The following EPHA4 variants were observed in gnomAD, a reference collection of about 807,000 sequenced individuals.
EPHA4 encodes ephrin type-A receptor 4.
Under a neutral mutation model 108.3 loss-of-function variants are expected in EPHA4, and 19 were observed. The observed-to-expected ratio is 0.18, with a 90% CI of 0.12 to 0.26. The LOEUF (loss-of-function observed/expected upper bound fraction) is 0.26, where lower values mean the gene tolerates loss of function less well. Among genes scored for constraint, EPHA4 ranks in the 10% least tolerant of loss-of-function variants. EPHA4 has a pLI of 1.00. For synonymous variants in EPHA4, 449 were observed against 455.5 expected (o/e 0.99, Z 0.18); for missense variants, 917 against 1,254.0 (o/e 0.73, Z 4.06).
At chr2:221,508,942 CTTATT>C (rs1253362717) in intron 3 of EPHA4, among the ~76,000 whole-genome samples, 24 of 150,886 alleles carry the variant, frequency 1.6e-4, no homozygotes, top group Non-Finnish European at 3.0e-4. Flanking sequence ...TTAATTCTTA[CTTATT>C]TTATTTCAAG....
At chr2:221,442,535 C>T (rs371423679) in intron 11 of EPHA4, among the ~76,000 whole-genome samples, 2 of 152,266 alleles carry the variant, frequency 1.3e-5, no homozygotes, top group South Asian at 2.1e-4. Flanking sequence ...CTTGAGCCCA[C>T]CCTATGACAA....
chr2:221,519,460 G>A (rs1216375145), intron 3 of EPHA4, among the ~76,000 whole-genome samples: 1 of 152,182 alleles, frequency 6.6e-6, no homozygotes, highest in African/African-American at 2.4e-5. Flanking sequence ...TCTGAGGAAA[G>A]GAGCCAGGTT....
At chr2:221,512,412 C>A (rs1167241171) in intron 3 of EPHA4, among the ~76,000 whole-genome samples, 2 of 152,174 alleles carry the variant, frequency 1.3e-5, no homozygotes, top group African/African-American at 4.8e-5. Flanking sequence ...AACTATCAAT[C>A]CTCACCACCG....
chr2:221,502,178 A>G (rs1246784385), intron 3 of EPHA4, among the ~76,000 whole-genome samples: 1 of 152,170 alleles, frequency 6.6e-6, no homozygotes, highest in African/African-American at 2.4e-5. Flanking sequence ...ATAATAAAAA[A>G]TAATGACTAC....
chr2:221,449,712 C>T (rs3770179), intron 8 of EPHA4, among the ~76,000 whole-genome samples: 18 of 151,996 alleles, frequency 1.2e-4, no homozygotes, highest in Middle Eastern at 3.2e-3. Flanking sequence ...AAAATAGAGA[C>T]GGGGAGCAAG....
At chr2:221,470,298 G>A (rs1293178124) in intron 5 of EPHA4, among the ~76,000 whole-genome samples, 1 of 150,418 alleles carries the variant, frequency 6.6e-6, no homozygotes, top group Non-Finnish European at 1.5e-5. Context: ...AAACTAGAAT[G>A]TTACAAATAG....
intron 8 of EPHA4, among the ~76,000 whole-genome samples, chr2:221,452,102 T>C (rs1238756447): frequency 6.6e-6 from 1 of 152,242 alleles, no homozygotes; most frequent in Non-Finnish European, 1.5e-5. Context: ...TCAGAAGGAC[T>C]GAAACTTTCT....
intron 3 of EPHA4, among the ~76,000 whole-genome samples, chr2:221,545,207 G>A (rs62180605): frequency 2.0e-5 from 3 of 151,512 alleles, no homozygotes; most frequent in Non-Finnish European, 4.4e-5. Flanking sequence ...CAGCACTTTG[G>A]GAGACCGAGG....
intron 4 of EPHA4, among the ~76,000 whole-genome samples, chr2:221,483,712 C>T (rs1691899377): frequency 1.3e-5 from 2 of 152,046 alleles, no homozygotes; most frequent in African/African-American, 2.4e-5. Context: ...GTTGGCCAGG[C>T]CAGTCTTGAA....
intron 3 of EPHA4, among the ~76,000 whole-genome samples, chr2:221,514,088 C>T (rs920497946): frequency 9.0e-4 from 106 of 118,248 alleles, no homozygotes; most frequent in African/African-American, 4.2e-3. Flanking sequence ...TCCTGTAAGC[C>T]GGGGGGAGGG....
At chr2:221,441,817 A>G (rs1171618129) in intron 11 of EPHA4, among the ~76,000 whole-genome samples, 1 of 152,156 alleles carries the variant, frequency 6.6e-6, no homozygotes, top group Admixed American at 6.5e-5. Flanking sequence ...CGAGGGGTCC[A>G]GGAAACTTAC....
Position 221,564,282 on chromosome 2 carries a change from C to T in EPHA4, c.272G>A (p.Arg91Gln), listed in dbSNP as rs750966838. Residue 91 changes from arginine (R) to glutamine (Q), a missense_variant, in exon 3 of 18, where the codon CGA (arginine) becomes CAA (glutamine). Around this residue, in one of 3 missense-constraint regions of EPHA4, gnomAD observed 758 missense variants for 1,076.7 expected, o/e 0.70. Coordinates refer to ENST00000281821, the MANE Select transcript of EPHA4 (RefSeq NM_004438.5). Reference protein sequence around the residue: ...NNWLRTDWITREGAQRVYIEI... With the variant: ...NNWLRTDWITQEGAQRVYIEI... ...AATATACACCCTCTGAGCCCCTTCT[C>T]GGGTGATCCAATCAGTTCGTAGCCA... 40 of 1,614,030 alleles carry T rather than the reference C, an allele frequency of 2.5e-5. No homozygotes were observed. The highest frequency in any genetic ancestry group is 4.5e-5 in the East Asian group (2 of 44,886).
At chr2:221,565,093 CAT>C (rs1428231730) in intron 2 of EPHA4, among the ~76,000 whole-genome samples, 1 of 152,064 alleles carries the variant, frequency 6.6e-6, no homozygotes, top group African/African-American at 2.4e-5. Context: ...AAAATTTGTA[CAT>C]GTTCTCATTT....
At chr2:221,459,981 C>T (rs1691089843) in intron 5 of EPHA4, among the ~76,000 whole-genome samples, 1 of 152,142 alleles carries the variant, frequency 6.6e-6, no homozygotes, top group Non-Finnish European at 1.5e-5. Flanking sequence ...CAGCTTCTCT[C>T]TGGTTGGGTT....
At chr2:221,441,230 T>A (rs1191534100) in intron 11 of EPHA4, among the ~76,000 whole-genome samples, 1 of 149,930 alleles carries the variant, frequency 6.7e-6, no homozygotes, top group Non-Finnish European at 1.5e-5. Context: ...GAGACAGGTT[T>A]CTATTAAAAA....
chr2:221,435,793 G>T (rs1045987279), intron 13 of EPHA4, among the ~76,000 whole-genome samples: 1 of 152,102 alleles, frequency 6.6e-6, no homozygotes, highest in Non-Finnish European at 1.5e-5. Flanking sequence ...GGAAAACCTT[G>T]CATGGTATAA....
chr2:221,548,709 G>A (rs894523539), intron 3 of EPHA4, among the ~76,000 whole-genome samples: 3 of 152,182 alleles, frequency 2.0e-5, no homozygotes, highest in South Asian at 4.1e-4. Context: ...AGCTGGGATT[G>A]TTGGAAGAGC....
chr2:221,538,982 C>G (rs1693753586), intron 3 of EPHA4, among the ~76,000 whole-genome samples: 1 of 152,144 alleles, frequency 6.6e-6, no homozygotes, highest in Non-Finnish European at 1.5e-5. Flanking sequence ...TGCATAGATT[C>G]TGGTACAGAA....
In EPHA4 at chr2:221,571,665, G is replaced by A. The variant is rs966382359; in HGVS notation, c.91+493C>T. On this transcript the variant is annotated intron_variant, in intron 1 of 17. Coordinates refer to ENST00000281821, the MANE Select transcript of EPHA4 (RefSeq NM_004438.5). The surrounding 1 kb of genome is among the most constrained non-coding windows in gnomAD (Gnocchi z 6.3). ...CCACGACCGCTGCGCTGCGGAGCAG[G>A]CCCCGCAGCCCGGTCCCGAGAAGCG... 6.6e-6 allele frequency among the ~76,000 whole-genome samples: 1 copy of A among 152,162 alleles called. No homozygotes were observed. Among genetic ancestry groups the A allele is most frequent in the Non-Finnish European group, 1.5e-5 (1 of 68,026 alleles).
Sources: gnomAD v4.1 joint callset for allele counts (sites outside exome capture counted in the v4.1 genomes callset) on GRCh38, gnomAD v4.1.1 for gene constraint, gnomAD v4.1.1 regional missense constraint, Gnocchi (gnomAD v3.1) non-coding constraint, MANE v1.5 for transcripts, NCBI Gene and HGNC (gene_info 2026-07-23, HGNC 2026-07-21) for gene names.